IL1RAPL1: variants seen among roughly 807,000 people sequenced by gnomAD.
IL1RAPL1 encodes the protein interleukin 1 receptor accessory protein like 1.
IL1RAPL1 carries 3 observed loss-of-function variants against 48.4 expected under a neutral mutation model. The observed-to-expected ratio is 0.06, with a 90% confidence interval of 0.03 to 0.16. The LOEUF is 0.16. IL1RAPL1 is among the 10% of genes least tolerant of loss of function. IL1RAPL1 has a pLI of 1.00. For synonymous variants in IL1RAPL1, 185 were observed against 187.7 expected (o/e 0.99, Z 0.12); for missense variants, 349 against 530.6 (o/e 0.66, Z 3.36).
intron 3 of IL1RAPL1, among the ~76,000 whole-genome samples, chrX:29,348,484 T>C (rs1933181334): frequency 8.9e-6 from 1 of 111,826 alleles, no homozygotes; most frequent in Admixed American, 9.5e-5. Context: ...AAGTGACAAA[T>C]AGTGAAAGCT....
intron 9 of IL1RAPL1, among the ~76,000 whole-genome samples, chrX:29,946,700 A>C (rs1238293291): frequency 1.8e-5 from 2 of 111,928 alleles, no homozygotes; most frequent in Non-Finnish European, 3.8e-5. Context: ...CCTTGCAAGA[A>C]ATTTTCTCCC....
At chrX:29,399,029 C>T (rs1199492111) in intron 4 of IL1RAPL1, 126 bp from the exon 5 acceptor site, 1 of 474,747 alleles carries the variant, frequency 2.1e-6, no homozygotes, top group Admixed American at 3.8e-5. Flanking sequence ...AATTATTTAG[C>T]ATTAGTTTCA....
chrX:28,675,111 G>T (rs895161217), intron 1 of IL1RAPL1, among the ~76,000 whole-genome samples: 1 of 111,895 alleles, frequency 8.9e-6, no homozygotes, highest in African/African-American at 3.2e-5. Flanking sequence ...TATATGGGAT[G>T]TGGCTGAAAT....
intron 2 of IL1RAPL1, among the ~76,000 whole-genome samples, chrX:28,889,267 A>T (rs1386299892): frequency 8.9e-6 from 1 of 111,765 alleles, no homozygotes; most frequent in Non-Finnish European, 1.9e-5. Context: ...AGAGCATATT[A>T]TTACAATCCC....
chrX:28,822,950 C>A (rs1232363427), intron 2 of IL1RAPL1, among the ~76,000 whole-genome samples: 1 of 111,654 alleles, frequency 9.0e-6, no homozygotes, highest in Non-Finnish European at 1.9e-5. Context: ...TGTATCCATG[C>A]GAGGACCATC....
intron 2 of IL1RAPL1, among the ~76,000 whole-genome samples, chrX:29,134,798 T>C (rs1373118409): frequency 9.0e-6 from 1 of 111,485 alleles, no homozygotes. Context: ...CTACTTTTTA[T>C]ATTGTTATAG....
chrX:29,263,987 T>C (rs1221539866), intron 2 of IL1RAPL1, among the ~76,000 whole-genome samples: 1 of 110,388 alleles, frequency 9.1e-6, no homozygotes, highest in Non-Finnish European at 1.9e-5. Context: ...TAGAAACATA[T>C]GCTGCTCAGC....
At chrX:28,926,197 C>T (rs1340911323) in intron 2 of IL1RAPL1, among the ~76,000 whole-genome samples, 1 of 111,919 alleles carries the variant, frequency 8.9e-6, no homozygotes, top group Non-Finnish European at 1.9e-5. Context: ...TCGTATTGAG[C>T]AGCACAGAAA....
At chrX:29,351,688 C>A (rs1226426060) in intron 3 of IL1RAPL1, among the ~76,000 whole-genome samples, 1 of 111,895 alleles carries the variant, frequency 8.9e-6, no homozygotes, top group Non-Finnish European at 1.9e-5. Context: ...GCCGTACATT[C>A]TTTTCATTCT....
intron 6 of IL1RAPL1, among the ~76,000 whole-genome samples, chrX:29,802,791 GTATATATATATATATATA>G (rs1195101220): frequency 2.9e-5 from 1 of 34,080 alleles, no homozygotes; most frequent in African/African-American, 1.4e-4. Context: ...ATGTGTGTGT[GTATATATATATATATATA>G]TGTGTGTATA....
At chrX:29,328,664 GAGAC>G (rs987716401) in intron 3 of IL1RAPL1, among the ~76,000 whole-genome samples, 3 of 107,535 alleles carry the variant, frequency 2.8e-5, no homozygotes, top group Admixed American at 2.0e-4. Context: ...GAGAGAGAGA[GAGAC>G]AGAGAGAGAG....
chrX:29,054,893 A>T (rs1479469999), intron 2 of IL1RAPL1, among the ~76,000 whole-genome samples: 1 of 112,227 alleles, frequency 8.9e-6, no homozygotes, highest in Non-Finnish European at 1.9e-5. Context: ...ATAGTACACA[A>T]TACTTAATAG....
At chrX:29,464,153 T>C (rs1416542691) in intron 5 of IL1RAPL1, among the ~76,000 whole-genome samples, 3 of 112,559 alleles carry the variant, frequency 2.7e-5, no homozygotes, top group Admixed American at 1.9e-4. Context: ...ATATTAACTG[T>C]ATGTTTATTT....
intron 6 of IL1RAPL1, among the ~76,000 whole-genome samples, chrX:29,900,144 A>G (rs1932469075): frequency 8.9e-6 from 1 of 111,897 alleles, no homozygotes; most frequent in Admixed American, 9.5e-5. Context: ...TACTTCTAAT[A>G]TAATGGCGAC....
At chrX:29,773,600 A>T (rs188359423) in intron 6 of IL1RAPL1, among the ~76,000 whole-genome samples, 20 of 112,322 alleles carry the variant, frequency 1.8e-4, no homozygotes, top group Non-Finnish European at 3.0e-4. Flanking sequence ...TTTCCTTGTC[A>T]TTACCTTGGA....
At chrX:28,873,778 G>A (rs185510483) in intron 2 of IL1RAPL1, among the ~76,000 whole-genome samples, 1,852 of 106,465 alleles carry the variant, frequency 0.017, 32 homozygotes, top group African/African-American at 0.06. Flanking sequence ...TGATCCGCCC[G>A]CCTTGGCCTC....
chrX:28,917,367 T>C (rs1212410380), intron 2 of IL1RAPL1, among the ~76,000 whole-genome samples: 1 of 112,363 alleles, frequency 8.9e-6, no homozygotes, highest in Non-Finnish European at 1.9e-5. Context: ...GATATTCATG[T>C]GCCTTATCTT....
intron 6 of IL1RAPL1, among the ~76,000 whole-genome samples, chrX:29,883,993 C>T (rs1432955508): frequency 1.8e-5 from 2 of 111,783 alleles, no homozygotes; most frequent in Non-Finnish European, 3.8e-5. Context: ...TGGTTGATAA[C>T]CATCCCTTTC....
At chrX:29,601,746 T>C (rs1326997454) in intron 5 of IL1RAPL1, among the ~76,000 whole-genome samples, 1 of 112,246 alleles carries the variant, frequency 8.9e-6, no homozygotes, top group Non-Finnish European at 1.9e-5. Context: ...GAAATGACTT[T>C]TGTTCCAGAA....
Sources: allele counts gnomAD v4.1 joint callset (sites outside exome capture counted in the v4.1 genomes callset), GRCh38; gene constraint gnomAD v4.1.1; transcripts MANE v1.5; gene names NCBI Gene and HGNC (gene_info 2026-07-23, HGNC 2026-07-21).